C1orf198: variants seen among roughly 807,000 people sequenced by gnomAD.
The protein encoded by C1orf198 is uncharacterized protein C1orf198.
Under a neutral mutation model 31.4 loss-of-function variants are expected in C1orf198, and 17 were observed. The ratio of observed to expected loss-of-function variants is 0.54; its 90% CI spans 0.37 to 0.81. The LOEUF is 0.81. C1orf198 is among the 40% of genes least tolerant of loss of function. The pLI is 0.00. For missense variants in C1orf198, 401 were observed against 450.3 expected (o/e 0.89, Z 0.99); for synonymous variants, 175 against 193.8 (o/e 0.90, Z 0.81).
At chr1:230,853,871 A>T (rs1380811829) in intron 2 of C1orf198, among the ~76,000 whole-genome samples, 1 of 152,112 alleles carries the variant, frequency 6.6e-6, no homozygotes, top group Non-Finnish European at 1.5e-5. Flanking sequence ...ATTCAAGTGG[A>T]CTGTACTTGC....
At chr1:230,851,827 C>T (rs1024513113) in intron 2 of C1orf198, among the ~76,000 whole-genome samples, 4 of 152,238 alleles carry the variant, frequency 2.6e-5, no homozygotes, top group African/African-American at 9.6e-5. Context: ...CTGATCAAAG[C>T]TGCGTTGCAT....
intron 1 of C1orf198, among the ~76,000 whole-genome samples, chr1:230,862,412 A>G (rs1333639115): frequency 6.6e-6 from 1 of 152,210 alleles, no homozygotes; most frequent in Admixed American, 6.5e-5. Context: ...GTCCACACAA[A>G]AAACCTACAC....
rs563139776 is a variant in C1orf198 at position 230,865,483 on chromosome 1, A to G, written c.333+2697T>C. Among the ~76,000 whole-genome samples the G allele has an allele frequency of 7.9e-5, 12 of 152,376 alleles. No individual in the cohort carries two copies. In the South Asian group the frequency reaches 1.9e-3, roughly 24 times the overall value. ...TAAGCTAAAATGCCTTGTCTCTAAT[A>G]TAATGGGCCTTGAGAAATATTTGCT... On this transcript the variant is annotated intron_variant, in intron 1 of 3. Transcript: ENST00000366663.
At chr1:230,848,629 A>G (rs180873906) in intron 2 of C1orf198, among the ~76,000 whole-genome samples, 4 of 152,196 alleles carry the variant, frequency 2.6e-5, no homozygotes, top group African/African-American at 9.6e-5. Context: ...ACAGTCTCTG[A>G]TTTCACAAAA....
At chr1:230,865,642 G>A (rs1670102223) in intron 1 of C1orf198, among the ~76,000 whole-genome samples, 1 of 152,216 alleles carries the variant, frequency 6.6e-6, no homozygotes. Flanking sequence ...CTGGGCCTCA[G>A]GCCAAGGGAT....
intron 1 of C1orf198, among the ~76,000 whole-genome samples, chr1:230,859,370 C>T (rs544252810): frequency 3.3e-5 from 5 of 152,200 alleles, no homozygotes; most frequent in East Asian, 1.9e-4. Context: ...CCCTCTCTGG[C>T]GCCTAGGATC....
chr1:230,868,011 A>AC (rs1458955732), intron 1 of C1orf198, among the ~76,000 whole-genome samples, 169 bp downstream of exon 1: 3 of 148,976 alleles, frequency 2.0e-5, no homozygotes, highest in Admixed American at 6.6e-5. Context: ...CGGAGCCCCC[A>AC]CCCCCCGAAC....
chr1:230,868,056 T>A, intron 1 of C1orf198, 124 bp downstream of exon 1: 74 of 760,274 alleles, frequency 9.7e-5, no homozygotes, highest in Non-Finnish European at 1.1e-4. Flanking sequence ...CCCACTGCCA[T>A]TCCTGCCTTT....
chr1:230,843,241 A>AG lies in C1orf198; in HGVS notation c.927+112dup. 1.6e-6 allele frequency: 2 copies of AG among 1,247,832 alleles called. No individual in the cohort carries two copies. The highest frequency in any genetic ancestry group is 3.1e-5 in the African/African-American group (2 of 64,500). 77.3% of individuals were successfully genotyped at this position (1,247,832 alleles called of 1,614,324 possible). A position where few individuals can be genotyped will look rare whatever the true frequency, so the allele number is the denominator to read the frequency against. On this transcript the variant is annotated intron_variant, in intron 3 of 3. Transcript: ENST00000366663. The surrounding 1 kb of genome is among the most constrained non-coding windows in gnomAD (Gnocchi z 4.9). ...CCTCTGAGGAAGAGGCAGGGGAAGG[A>AG]GAAGAAAAAGAGCATGGGCACCTGT...
chr1:230,849,561 G>A (rs1410539122), intron 2 of C1orf198, among the ~76,000 whole-genome samples: 1 of 152,242 alleles, frequency 6.6e-6, no homozygotes, highest in Non-Finnish European at 1.5e-5. Context: ...CCCCATGCGG[G>A]GAACTGGGTC....
At chr1:230,841,798 A>G (rs1001003295) in intron 3 of C1orf198, among the ~76,000 whole-genome samples, 6 of 152,250 alleles carry the variant, frequency 3.9e-5, no homozygotes, top group Non-Finnish European at 8.8e-5. Context: ...AGGAGAAGGG[A>G]AAGCAGGGGC....
chr1:230,847,666 G>A (rs780160172), intron 2 of C1orf198, among the ~76,000 whole-genome samples: 24 of 152,124 alleles, frequency 1.6e-4, no homozygotes, highest in Non-Finnish European at 2.9e-4. Flanking sequence ...CTGTTTCTGA[G>A]TGGTGCATTC....
At chr1:230,856,403 C>T (rs1034645815) in intron 1 of C1orf198, among the ~76,000 whole-genome samples, 3 of 151,992 alleles carry the variant, frequency 2.0e-5, no homozygotes, top group Non-Finnish European at 4.4e-5. Flanking sequence ...ACAATCACTA[C>T]GAATTTGACC....
At chr1:230,854,563 A>C (rs1669828179) in intron 2 of C1orf198, among the ~76,000 whole-genome samples, 1 of 151,954 alleles carries the variant, frequency 6.6e-6, no homozygotes, top group African/African-American at 2.4e-5. Context: ...CTTCCCCAAA[A>C]CCACCTCTTA....
chr1:230,865,558 C>A (rs767405310), intron 1 of C1orf198, among the ~76,000 whole-genome samples: 1 of 152,196 alleles, frequency 6.6e-6, no homozygotes, highest in Non-Finnish European at 1.5e-5. Flanking sequence ...GGTCCCTTCA[C>A]GGCTTCAATA....
chr1:230,849,496 C>A (rs562966237), intron 2 of C1orf198, among the ~76,000 whole-genome samples: 25 of 152,250 alleles, frequency 1.6e-4, no homozygotes, highest in Middle Eastern at 3.4e-3. Flanking sequence ...CAAGTGCCCA[C>A]GGAGGCTCTG....
At chr1:230,847,135 C>T (rs1311351273) in intron 2 of C1orf198, among the ~76,000 whole-genome samples, 1 of 140,754 alleles carries the variant, frequency 7.1e-6, no homozygotes, top group Admixed American at 7.1e-5. Context: ...AAAAATCAGC[C>T]GGGCATGGCG....
chr1:230,867,076 C>T (rs1345478952), intron 1 of C1orf198, among the ~76,000 whole-genome samples: 1 of 152,184 alleles, frequency 6.6e-6, no homozygotes, highest in Non-Finnish European at 1.5e-5. Context: ...ACTTGAATTC[C>T]ATCCACAATC....
intron 1 of C1orf198, among the ~76,000 whole-genome samples, chr1:230,866,555 A>G (rs1670123788): frequency 6.6e-6 from 1 of 152,228 alleles, no homozygotes; most frequent in Admixed American, 6.5e-5. Flanking sequence ...CCTTGTCAGT[A>G]ATACTGGGCT....
Sources: gnomAD v4.1 joint callset for allele counts (sites outside exome capture counted in the v4.1 genomes callset) on GRCh38, gnomAD v4.1.1 for gene constraint, Gnocchi (gnomAD v3.1) non-coding constraint, MANE v1.5 for transcripts, NCBI Gene and HGNC (gene_info 2026-07-23, HGNC 2026-07-21) for gene names.